Variants in USP8 observed in about 807,000 individuals in gnomAD.
USP8 encodes ubiquitin carboxyl-terminal hydrolase 8.
USP8 carries 27 observed loss-of-function variants against 130.0 expected under a neutral mutation model. The ratio of observed to expected loss-of-function variants is 0.21; its 90% CI spans 0.15 to 0.29. The LOEUF (loss-of-function observed/expected upper bound fraction) is 0.29, where lower values mean the gene tolerates loss of function less well. Ranked by LOEUF, USP8 falls within the 10% of genes least tolerant of loss-of-function variation. The probability of loss-of-function intolerance (pLI) is 1.00; values close to 1 mark genes in which losing one functional copy is unlikely to be tolerated. For synonymous variants in USP8, 392 were observed against 444.1 expected (o/e 0.88, Z 1.48); for missense variants, 1,029 against 1,312.2 (o/e 0.78, Z 3.33).
chr15:50,453,834 T>C (rs1330902881), intron 4 of USP8, among the ~76,000 whole-genome samples: 1 of 151,314 alleles, frequency 6.6e-6, no homozygotes, highest in East Asian at 1.9e-4. Context: ...TTTATCATTA[T>C]GTCCCTCTTT....
At position 50,476,961 on chromosome 15, in the gene USP8, C is replaced by A. The variant is rs776663696; in HGVS notation, c.962C>A (p.Pro321Gln). 5.6e-6 allele frequency: 9 copies of A among 1,607,152 alleles called. No homozygotes were observed. Among genetic ancestry groups the A allele is most frequent in the African/African-American group, 2.7e-5 (2 of 74,526 alleles). ...YTTNAKVTPP[P>Q]RRQNEEVSIS... ...ACAAATGCTAAGGTCACTCCACCCC[C>A]ACGACGCCAGAATGAAGAGGTGTCT... Residue 321 changes from proline to glutamine, a missense_variant, in exon 9 of 20, where the codon CCA becomes CAA. By Grantham distance (76) the Pro-to-Gln change is moderately conservative (BLOSUM62 -1). Around this residue, in one of 4 missense-constraint regions of USP8, gnomAD observed 486 missense variants for 522.0 expected, o/e 0.93. Transcript: ENST00000307179.
Position 50,501,652 on chromosome 15 carries a change from G to GT in USP8, c.*2565dup, listed in dbSNP as rs1006662726. 6.6e-6 allele frequency: 1 copy of GT among 152,004 alleles called. No homozygotes were observed. Among genetic ancestry groups the GT allele is most frequent in the African/African-American group, 2.4e-5 (1 of 41,376 alleles). 9.4% of individuals were successfully genotyped at this position (152,004 alleles called of 1,614,324 possible). ...TCCCCCATAGGGTACAAAAAATAAT[G>GT]TATCTCATTTTCCTTTTTCCATGTC... On this transcript the variant is annotated 3_prime_UTR_variant, in exon 20 of 20. Transcript: ENST00000307179.
chr15:50,442,311 C>T (rs1484745470), intron 3 of USP8, among the ~76,000 whole-genome samples: 1 of 152,032 alleles, frequency 6.6e-6, no homozygotes, highest in African/African-American at 2.4e-5. Flanking sequence ...TGCTTTTAAT[C>T]CTTTGAACAG....
At chr15:50,473,668 T>A (rs1003503484) in intron 8 of USP8, among the ~76,000 whole-genome samples, 1 of 151,748 alleles carries the variant, frequency 6.6e-6, no homozygotes, top group South Asian at 2.1e-4. Context: ...GCTAATTTTT[T>A]AAAATTTTCT....
chr15:50,512,325 T>TA lies in USP8; in HGVS notation c.*13251dup, dbSNP rs1373639566. On this transcript the variant is annotated 3_prime_UTR_variant, in exon 20 of 20. Coordinates refer to ENST00000307179, the MANE Select transcript of USP8 (RefSeq NM_005154.5). ...CCTGGGCAACAGAGCAAGACTCTGT[T>TA]AAAAAAAAAAAAAATAGCGAGAGAT... 0.046 allele frequency: 6,196 copies of TA among 136,174 alleles called. 446 individuals are homozygous for TA. The highest frequency in any genetic ancestry group is 0.15 in the African/African-American group (5,775 of 37,538). 8.4% of individuals were successfully genotyped at this position (136,174 alleles called of 1,614,324 possible).
chr15:50,445,692 A>G (rs2050412878), intron 3 of USP8, among the ~76,000 whole-genome samples: 1 of 151,534 alleles, frequency 6.6e-6, no homozygotes. Context: ...TCTACTAAAA[A>G]TACGTAAAAA....
intron 18 of USP8, 44 bp downstream of exon 18, chr15:50,497,275 G>C (rs1433485075): frequency 3.9e-6 from 6 of 1,556,454 alleles, no homozygotes; most frequent in Non-Finnish European, 5.2e-6. Flanking sequence ...AATTAAATGA[G>C]GGAATTTTAA....
chr15:50,443,348 CTTATTT>C (rs1172297825), intron 3 of USP8, among the ~76,000 whole-genome samples: 1 of 151,694 alleles, frequency 6.6e-6, no homozygotes, highest in Non-Finnish European at 1.5e-5. Flanking sequence ...TGCCTGGCCA[CTTATTT>C]TTATTTTTAG....
At chr15:50,486,680 TTAAC>T (rs1210671902) in intron 12 of USP8, among the ~76,000 whole-genome samples, 2 of 152,118 alleles carry the variant, frequency 1.3e-5, no homozygotes, top group African/African-American at 4.8e-5. Flanking sequence ...AGATCTAAGA[TTAAC>T]TAAACATAAC....
At chr15:50,453,843 T>G (rs1046541951) in intron 4 of USP8, among the ~76,000 whole-genome samples, 2 of 150,278 alleles carry the variant, frequency 1.3e-5, no homozygotes, top group African/African-American at 4.9e-5. Context: ...ATGTCCCTCT[T>G]TACCTCTGGG....
At position 50,510,929 on chromosome 15, in the gene USP8, AC is replaced by A. The variant is rs1330060012; in HGVS notation, c.*11843del. The A allele has an allele frequency of 2.0e-5, 3 of 152,124 alleles. No homozygotes were observed. The highest frequency in any genetic ancestry group is 4.4e-5 in the Non-Finnish European group (3 of 68,056). The allele number at this position is 152,124 out of a possible 1,614,324, so 9.4% of individuals were successfully genotyped here. On this transcript the variant is annotated 3_prime_UTR_variant, in exon 20 of 20. Coordinates refer to ENST00000307179, the MANE Select transcript of USP8 (RefSeq NM_005154.5). The stretch of plus-strand genomic sequence containing the variant: ...GTAGCTGGGACTACAGGCGCCCGCC[AC>A]CATGCCCGGCTAATTTTTTTTGTAT...
intron 4 of USP8, among the ~76,000 whole-genome samples, chr15:50,456,234 T>C (rs1167660163): frequency 6.6e-6 from 1 of 152,110 alleles, no homozygotes; most frequent in East Asian, 1.9e-4. Flanking sequence ...ATCATTTCTG[T>C]CAATGGAATA....
At chr15:50,493,039 C>G (rs761941984) in intron 15 of USP8, 126 bp downstream of exon 15, 12 of 1,020,604 alleles carry the variant, frequency 1.2e-5, no homozygotes, top group Non-Finnish European at 1.8e-5. Flanking sequence ...TTGTAAAGAA[C>G]AAAAATTTAT....
intron 4 of USP8, 142 bp from the exon 5 acceptor site, chr15:50,458,858 G>T: frequency 1.1e-6 from 1 of 904,602 alleles, no homozygotes. Flanking sequence ...TCAGGTGGCA[G>T]ATGTGTGAAT....
intron 18 of USP8, 187 bp downstream of exon 18, chr15:50,497,418 C>T (rs2052459487): frequency 3.9e-6 from 2 of 511,934 alleles, no homozygotes; most frequent in Non-Finnish European, 6.2e-6. Context: ...TTCAGTACCA[C>T]AGCAAAATGA....
chr15:50,494,306 G>T (rs1466408806), intron 16 of USP8, 26 bp downstream of exon 16: 1 of 1,577,630 alleles, frequency 6.3e-7, no homozygotes, highest in Non-Finnish European at 8.6e-7. Context: ...TTTCTAAGTT[G>T]CAGAGACTCT....
chr15:50,460,190 G>C (rs1362486942), intron 5 of USP8, among the ~76,000 whole-genome samples: 2 of 150,226 alleles, frequency 1.3e-5, no homozygotes, highest in Non-Finnish European at 3.0e-5. Context: ...TAGAGATGGG[G>C]TTTCACCATG....
At chr15:50,490,588 A>C (rs1304364925) in intron 14 of USP8, 63 bp downstream of exon 14, 1 of 1,560,746 alleles carries the variant, frequency 6.4e-7, no homozygotes, top group Non-Finnish European at 8.6e-7. Flanking sequence ...TCTACTCTGA[A>C]TCTGTCAGTA....
At chr15:50,496,162 G>T in intron 17 of USP8, 78 bp downstream of exon 17, 1 of 1,199,438 alleles carries the variant, frequency 8.3e-7, no homozygotes. Flanking sequence ...GTAAATTTCT[G>T]GTCTTTACCC....
Sources: gnomAD v4.1 joint callset for allele counts (sites outside exome capture counted in the v4.1 genomes callset) on GRCh38, gnomAD v4.1.1 for gene constraint, gnomAD v4.1.1 regional missense constraint, MANE v1.5 for transcripts, NCBI Gene and HGNC (gene_info 2026-07-23, HGNC 2026-07-21) for gene names.